The following CAPRIN1 variants were observed in gnomAD, a reference collection of about 807,000 sequenced individuals.
The protein encoded by CAPRIN1 is cell cycle associated protein 1, also known as caprin-1.
In CAPRIN1, 29 loss-of-function variants were observed where a neutral mutation model predicts 100.9. The ratio of observed to expected loss-of-function variants is 0.29; its 90% CI spans 0.21 to 0.39. CAPRIN1 has a LOEUF of 0.39. CAPRIN1 is among the 10% of genes least tolerant of loss of function. CAPRIN1 has a pLI of 1.00. For missense variants in CAPRIN1, 795 were observed against 876.7 expected, an observed-to-expected ratio of 0.91 and a Z score of 1.18; for synonymous variants, 338 against 307.5, an observed-to-expected ratio of 1.10 and a Z score of -1.04.
At chr11:34,084,255 A>G (rs1012931206) in intron 9 of CAPRIN1, among the ~76,000 whole-genome samples, 2 of 152,030 alleles carry the variant, frequency 1.3e-5, no homozygotes, top group Non-Finnish European at 2.9e-5. Flanking sequence ...CGCCTGGCCC[A>G]TAGATGTTAT....
intron 2 of CAPRIN1, among the ~76,000 whole-genome samples, chr11:34,065,084 T>C (rs1336534656): frequency 6.7e-6 from 1 of 149,940 alleles, no homozygotes; most frequent in East Asian, 2.0e-4. Flanking sequence ...CTCAGCCTCC[T>C]GAGTAGCTGG....
Position 34,076,389 on chromosome 11 carries a change from G to A in CAPRIN1, c.520G>A (p.Gly174Arg). 6.2e-7 allele frequency: 1 copy of A among 1,614,202 alleles called. No homozygotes were observed. The highest frequency in any genetic ancestry group is 8.5e-7 in the Non-Finnish European group (1 of 1,180,024). ...GACTGACCTGAAACAAGGTTTGAAT[G>A]GAGTGCCAATATTGTCCGAAGAGGA... ...VRTDLKQGLNGVPILSEEELS... is the reference protein window; with the variant it reads ...VRTDLKQGLNRVPILSEEELS... The change falls in exon 5 of 19, where the codon GGA (glycine) becomes AGA (arginine). Residue 174 changes from glycine (G) to arginine (R), a missense_variant. Around this residue, in one of 3 missense-constraint regions of CAPRIN1, gnomAD observed 648 missense variants for 697.9 expected, o/e 0.93. Coordinates refer to ENST00000341394, the MANE Select transcript of CAPRIN1 (RefSeq NM_005898.5).
intron 11 of CAPRIN1, among the ~76,000 whole-genome samples, chr11:34,086,932 T>A (rs1156944349): frequency 6.6e-6 from 1 of 152,196 alleles, no homozygotes; most frequent in African/African-American, 2.4e-5. Flanking sequence ...CTAGGAGAAT[T>A]TCTGGATTTT....
intron 18 of CAPRIN1, chr11:34,098,847 T>C (rs1266296814): frequency 2.0e-6 from 2 of 986,426 alleles, no homozygotes; most frequent in African/African-American, 3.5e-5. Flanking sequence ...TTTAACAGTT[T>C]AGGTAATAAG....
intron 11 of CAPRIN1, among the ~76,000 whole-genome samples, chr11:34,087,395 G>T (rs1213219473): frequency 8.9e-6 from 1 of 112,994 alleles, no homozygotes; most frequent in Non-Finnish European, 1.8e-5. Flanking sequence ...GTGCAGTGGC[G>T]CAATCTCGGC....
rs770108697 is a variant in CAPRIN1 at position 34,096,492 on chromosome 11, C to T, written c.1719C>T (p.Tyr573=). 6.2e-6 allele frequency: 10 copies of T among 1,613,576 alleles called. No individual in the cohort carries two copies. In the South Asian group the frequency reaches 9.9e-5, roughly 16 times the overall value. ...TTTAAATTATAGTGGTTGGCACTTA[C>T]CATGGTTCCCCAGACCAGTCCCATC... The part of the protein sequence containing the change: ...QEQLQTVVGT[Y]HGSPDQSHQV... Residue 573 remains tyrosine (Y), a synonymous_variant, in exon 16 of 19, where the codon TAC becomes TAT. Coordinates refer to ENST00000341394, the MANE Select transcript of CAPRIN1 (RefSeq NM_005898.5).
chr11:34,052,772 C>G (rs540331168), intron 2 of CAPRIN1, 136 bp downstream of exon 2: 1 of 1,416,176 alleles, frequency 7.1e-7, no homozygotes, highest in East Asian at 2.5e-5. Flanking sequence ...CCCTGGCCCA[C>G]ACGCCCCGTC....
At chr11:34,068,534 G>C (rs1850744069) in intron 2 of CAPRIN1, among the ~76,000 whole-genome samples, 1 of 152,150 alleles carries the variant, frequency 6.6e-6, no homozygotes, top group Non-Finnish European at 1.5e-5. Context: ...TAGAAAATTG[G>C]AGGTTTTCTA....
chr11:34,064,078 T>C (rs1850636729), intron 2 of CAPRIN1, among the ~76,000 whole-genome samples: 1 of 152,204 alleles, frequency 6.6e-6, no homozygotes, highest in Non-Finnish European at 1.5e-5. Flanking sequence ...TGAAGATACA[T>C]TTTTATGCTA....
intron 11 of CAPRIN1, 51 bp from the exon 12 acceptor site, chr11:34,089,344 T>G: frequency 1.1e-6 from 1 of 893,714 alleles, no homozygotes; most frequent in Non-Finnish European, 1.7e-6. Flanking sequence ...TAGACGCGTC[T>G]CTCTAAAAAT....
intron 14 of CAPRIN1, among the ~76,000 whole-genome samples, chr11:34,091,336 G>A (rs1851260526): frequency 6.6e-6 from 1 of 152,198 alleles, no homozygotes; most frequent in Admixed American, 6.5e-5. Context: ...GCCCAGGCTG[G>A]AGTGTAGTGG....
chr11:34,057,655 C>G (rs984561239), intron 2 of CAPRIN1, among the ~76,000 whole-genome samples: 13 of 152,102 alleles, frequency 8.5e-5, no homozygotes, highest in African/African-American at 3.1e-4. Flanking sequence ...AAAGGTTAAA[C>G]TTATAGCAAT....
At chr11:34,079,911 T>TGTTTTTTGTTTTTTG (rs1565091732) in intron 7 of CAPRIN1, 146 bp downstream of exon 7, 1 of 1,762 alleles carries the variant, frequency 5.7e-4, no homozygotes, top group African/African-American at 3.0e-3. Context: ...CAAAGTTTTT[T>TGTTTTTTGTTTTTTG]TTTTTTTTTT....
chr11:34,057,780 A>G (rs112155378), intron 2 of CAPRIN1, among the ~76,000 whole-genome samples: 15,559 of 152,080 alleles, frequency 0.1, 862 homozygotes, highest in African/African-American at 0.15. Context: ...GTGTAATGGC[A>G]TGACCTCGGC....
chr11:34,053,255 G>GGGCT, intron 2 of CAPRIN1: 1 of 575,342 alleles, frequency 1.7e-6, no homozygotes, highest in Non-Finnish European at 2.2e-6. Context: ...CCCATGCGAT[G>GGGCT]GGCTCCCCTG....
At chr11:34,082,683 C>CAT in intron 7 of CAPRIN1, 142 bp from the exon 8 acceptor site, 1 of 642,664 alleles carries the variant, frequency 1.6e-6, no homozygotes. Flanking sequence ...CCATAGTTTA[C>CAT]ATATGGGTTT....
At chr11:34,084,382 T>C (rs993314505) in intron 9 of CAPRIN1, among the ~76,000 whole-genome samples, 1 of 152,116 alleles carries the variant, frequency 6.6e-6, no homozygotes, top group African/African-American at 2.4e-5. Context: ...GCTCAGGAAG[T>C]CCCAACAAAA....
chr11:34,088,846 A>G (rs995499436), intron 11 of CAPRIN1, among the ~76,000 whole-genome samples: 6 of 152,210 alleles, frequency 3.9e-5, no homozygotes, highest in African/African-American at 1.4e-4. Flanking sequence ...CCAATTGTGA[A>G]AGTAAACTAT....
intron 2 of CAPRIN1, among the ~76,000 whole-genome samples, chr11:34,068,398 A>C (rs1850740923): frequency 6.6e-6 from 1 of 152,220 alleles, no homozygotes; most frequent in South Asian, 2.1e-4. Context: ...CTAGTTGTTA[A>C]TGGAGTAGTG....
Sources: gnomAD v4.1 joint callset for allele counts (sites outside exome capture counted in the v4.1 genomes callset) on GRCh38, gnomAD v4.1.1 for gene constraint, gnomAD v4.1.1 regional missense constraint, MANE v1.5 for transcripts, NCBI Gene and HGNC (gene_info 2026-07-23, HGNC 2026-07-21) for gene names.